The following ZBTB20 variants were observed in gnomAD, a reference collection of about 807,000 sequenced individuals.
The protein encoded by ZBTB20 is zinc finger and BTB domain containing 20.
A neutral mutation model predicts 56.9 loss-of-function variants in ZBTB20; 9 were observed. That is an observed-to-expected ratio of 0.16 (90% CI 0.10 to 0.28). The LOEUF is 0.28. ZBTB20 is among the 10% of genes least tolerant of loss of function. The pLI is 1.00. For synonymous variants in ZBTB20, 417 were observed against 420.7 expected (o/e 0.99, Z 0.11); for missense variants, 655 against 1,003.0 (o/e 0.65, Z 4.69).
chr3:114,828,622 G>A (rs1410826977), intron 4 of ZBTB20, among the ~76,000 whole-genome samples: 1 of 151,826 alleles, frequency 6.6e-6, no homozygotes, highest in African/African-American at 2.4e-5. Flanking sequence ...ATTGCAATGA[G>A]TGACTCAGTA....
chr3:115,013,428 T>C (rs80266799), intron 2 of ZBTB20, among the ~76,000 whole-genome samples: 2,298 of 151,534 alleles, frequency 0.015, 44 homozygotes, highest in African/African-American at 0.043. Flanking sequence ...ATAGAAAAAT[T>C]TGGAAGAAAT....
intron 1 of ZBTB20, among the ~76,000 whole-genome samples, chr3:115,121,568 T>C (rs1044949182): frequency 2.0e-5 from 3 of 152,070 alleles, no homozygotes; most frequent in Non-Finnish European, 4.4e-5. Context: ...CTAGATGCAT[T>C]ACTTCAAAAT....
At chr3:115,146,132 C>G (rs1053378939) in intron 1 of ZBTB20, among the ~76,000 whole-genome samples, 1 of 152,200 alleles carries the variant, frequency 6.6e-6, no homozygotes, top group African/African-American at 2.4e-5. Context: ...CTTCCTGATT[C>G]ATTCAGATTT....
chr3:114,857,381 G>A (rs757432189), intron 4 of ZBTB20, among the ~76,000 whole-genome samples: 4 of 152,116 alleles, frequency 2.6e-5, no homozygotes, highest in Non-Finnish European at 5.9e-5. Flanking sequence ...GCACTTTCCC[G>A]TGATCCTTTA....
chr3:114,954,687 GA>G (rs2077188532), intron 3 of ZBTB20, among the ~76,000 whole-genome samples: 1 of 152,166 alleles, frequency 6.6e-6, no homozygotes, highest in African/African-American at 2.4e-5. Flanking sequence ...AGAACACTGA[GA>G]ATAAGTGAAA....
intron 5 of ZBTB20, among the ~76,000 whole-genome samples, chr3:114,781,096 AATAT>A (rs920243160): frequency 2.6e-5 from 4 of 152,154 alleles, no homozygotes; most frequent in African/African-American, 4.8e-5. Flanking sequence ...CTAAGGAATA[AATAT>A]ATATACCTAA....
At chr3:114,552,059 T>G (rs1312798945) in intron 6 of ZBTB20, among the ~76,000 whole-genome samples, 1 of 152,156 alleles carries the variant, frequency 6.6e-6, no homozygotes, top group Non-Finnish European at 1.5e-5. Flanking sequence ...AATATTATTT[T>G]AAAACATTAT....
chr3:114,351,936 T>C, intron 10 of ZBTB20, 58 bp from the exon 11 acceptor site: 1 of 1,546,412 alleles, frequency 6.5e-7, no homozygotes. Context: ...GCTGGTTGCA[T>C]TCCTAACACC....
intron 4 of ZBTB20, among the ~76,000 whole-genome samples, chr3:114,849,624 A>T (rs2074893562): frequency 6.6e-6 from 1 of 152,238 alleles, no homozygotes; most frequent in South Asian, 2.1e-4. Context: ...TTGCCACTCA[A>T]GGAAAATGAT....
intron 6 of ZBTB20, among the ~76,000 whole-genome samples, chr3:114,612,626 C>T (rs185726352): frequency 2.6e-4 from 40 of 152,222 alleles, no homozygotes; most frequent in African/African-American, 9.1e-4. Context: ...TAGCTCCTTT[C>T]TTTTTTACGT....
chr3:114,532,084 C>T (rs1288316519), intron 6 of ZBTB20, among the ~76,000 whole-genome samples: 6 of 152,192 alleles, frequency 3.9e-5, no homozygotes, highest in African/African-American at 9.7e-5. Flanking sequence ...ACTGAGCTAG[C>T]TGCAGGAATT....
chr3:114,448,174 C>T (rs2091383151), intron 7 of ZBTB20, among the ~76,000 whole-genome samples: 1 of 152,088 alleles, frequency 6.6e-6, no homozygotes, highest in Admixed American at 6.6e-5. Context: ...TCTGGCCTCT[C>T]CCCGGCTGCA....
chr3:114,385,708 A>C (rs986813735), intron 8 of ZBTB20, among the ~76,000 whole-genome samples: 1 of 152,094 alleles, frequency 6.6e-6, no homozygotes, highest in African/African-American at 2.4e-5. Flanking sequence ...CTCTACCAAA[A>C]ATTCAAAAAT....
At chr3:114,820,750 CT>C (rs1000737162) in intron 4 of ZBTB20, among the ~76,000 whole-genome samples, 33 of 151,820 alleles carry the variant, frequency 2.2e-4, no homozygotes, top group Admixed American at 1.8e-3. Context: ...AGATACTTGA[CT>C]TTTTTTTAGT....
At position 114,640,880 on chromosome 3, in the gene ZBTB20, AT is replaced by A. The variant is rs564295459; in HGVS notation, c.-295+52647del. ...TATTTAGGATTTCTAATTTTAGGTC[AT>A]TTTTTTTTAGCCTTATTTTATACAA... On this transcript the variant is annotated intron_variant, in intron 6 of 11. Coordinates refer to ENST00000675478, the MANE Select transcript of ZBTB20 (RefSeq NM_001348800.3). 3.7e-4 allele frequency among the ~76,000 whole-genome samples: 56 copies of A among 150,938 alleles called. No individual in the cohort carries two copies. In the East Asian group the frequency reaches 3.9e-3, roughly 10 times the overall value.
At chr3:114,540,379 A>C (rs2048978620) in intron 6 of ZBTB20, among the ~76,000 whole-genome samples, 1 of 152,160 alleles carries the variant, frequency 6.6e-6, no homozygotes, top group African/African-American at 2.4e-5. Flanking sequence ...AGGTGGAAAA[A>C]TCAGGAGAGT....
rs145810851 is a variant in ZBTB20, at chr3:114,693,978, A to G, written c.-342-403T>C. ...AGCTTTACTGTAGTTTTGATCAAAC[A>G]TTTTGTACATAAAAACAAGCTGGTT... On this transcript the variant is annotated intron_variant, in intron 5 of 11. Transcript: ENST00000675478. Among the ~76,000 whole-genome samples the G allele has an allele frequency of 3.3e-3, 499 of 152,168 alleles. 3 individuals carry two copies. Among genetic ancestry groups the G allele is most frequent in the African/African-American group, 0.011 (472 of 41,546 alleles).
chr3:114,470,308 A>C (rs559750273), intron 7 of ZBTB20, among the ~76,000 whole-genome samples: 2 of 152,320 alleles, frequency 1.3e-5, no homozygotes, highest in East Asian at 3.9e-4. Context: ...AAAAGTACTT[A>C]ATTTATATTT....
chr3:114,951,900 C>G (rs761545592), intron 3 of ZBTB20, among the ~76,000 whole-genome samples: 2 of 151,878 alleles, frequency 1.3e-5, no homozygotes, highest in Non-Finnish European at 2.9e-5. Flanking sequence ...CAATGAGAAA[C>G]AGGCTTAAAA....
Sources: gnomAD v4.1 joint callset for allele counts (sites outside exome capture counted in the v4.1 genomes callset) on GRCh38, gnomAD v4.1.1 for gene constraint, MANE v1.5 for transcripts, NCBI Gene and HGNC (gene_info 2026-07-23, HGNC 2026-07-21) for gene names.